PKP4: variants seen among roughly 807,000 people sequenced by gnomAD.
PKP4 encodes the protein plakophilin 4.
Under a neutral mutation model 145.1 loss-of-function variants are expected in PKP4, and 90 were observed. The ratio of observed to expected loss-of-function variants is 0.62; its 90% CI spans 0.52 to 0.74. The LOEUF (loss-of-function observed/expected upper bound fraction) is 0.74. Among genes scored for constraint, PKP4 ranks in the 30% least tolerant of loss-of-function variants. The probability of loss-of-function intolerance (pLI) is 0.00; values close to 1 mark genes in which losing one functional copy is unlikely to be tolerated. For synonymous variants in PKP4, 563 were observed against 577.2 expected, an observed-to-expected ratio of 0.98 and a Z score of 0.35; for missense variants, 1,340 against 1,482.7, an observed-to-expected ratio of 0.90 and a Z score of 1.58.
intron 3 of PKP4, among the ~76,000 whole-genome samples, chr2:158,578,835 A>T (rs2048085762): frequency 6.6e-6 from 1 of 152,232 alleles, no homozygotes; most frequent in Non-Finnish European, 1.5e-5. Context: ...ATGGCACAAG[A>T]GGAGGGAAAA....
chr2:158,632,812 G>A (rs781149346), intron 8 of PKP4, among the ~76,000 whole-genome samples: 6 of 152,098 alleles, frequency 3.9e-5, no homozygotes, highest in Non-Finnish European at 8.8e-5. Flanking sequence ...CTAATAAAAT[G>A]TACCATTTCT....
At chr2:158,507,290 T>A (rs546203749) in intron 1 of PKP4, among the ~76,000 whole-genome samples, 1 of 152,348 alleles carries the variant, frequency 6.6e-6, no homozygotes, top group Non-Finnish European at 1.5e-5. Flanking sequence ...GACTCACCAC[T>A]GTGAAGGTAT....
intron 3 of PKP4, among the ~76,000 whole-genome samples, chr2:158,591,131 G>GA (rs1396692516): frequency 6.6e-6 from 1 of 151,960 alleles, no homozygotes; most frequent in African/African-American, 2.4e-5. Flanking sequence ...TTTCAAATAG[G>GA]AAAAAGAAGA....
At chr2:158,557,488 T>G (rs2046197905) in intron 2 of PKP4, among the ~76,000 whole-genome samples, 1 of 152,222 alleles carries the variant, frequency 6.6e-6, no homozygotes, top group South Asian at 2.1e-4. Flanking sequence ...TAGCAGCCTT[T>G]GCAGTGAAAA....
At chr2:158,679,995 C>T (rs2058330584) in intron 21 of PKP4, among the ~76,000 whole-genome samples, 1 of 152,150 alleles carries the variant, frequency 6.6e-6, no homozygotes, top group Non-Finnish European at 1.5e-5. Context: ...TTATCCAAGG[C>T]CCAGAAACCC....
At chr2:158,612,487 G>A (rs1307131159) in intron 4 of PKP4, among the ~76,000 whole-genome samples, 1 of 152,084 alleles carries the variant, frequency 6.6e-6, no homozygotes, top group East Asian at 1.9e-4. Context: ...TCTCTGATAG[G>A]ATTTCTGTAA....
chr2:158,588,961 T>C (rs1280494603), intron 3 of PKP4: 2 of 152,234 alleles, frequency 1.3e-5, no homozygotes, highest in Non-Finnish European at 2.9e-5. Context: ...AACCAGGTGA[T>C]GAAGTGTCTT....
intron 4 of PKP4, among the ~76,000 whole-genome samples, chr2:158,611,535 C>T (rs2051147661): frequency 6.6e-6 from 1 of 152,074 alleles, no homozygotes; most frequent in Non-Finnish European, 1.5e-5. Flanking sequence ...TTCTTTTTTC[C>T]TCCATCTGGT....
At chr2:158,465,089 G>A (rs1302048341) in intron 1 of PKP4, among the ~76,000 whole-genome samples, 2 of 152,112 alleles carry the variant, frequency 1.3e-5, no homozygotes, top group African/African-American at 2.4e-5. Context: ...TGGGAGTCTC[G>A]GTCTTTAAGG....
chr2:158,658,310 C>G lies in PKP4; in HGVS notation c.2089C>G (p.Leu697Val), dbSNP rs1233910399. 1 of 1,577,022 alleles carries G rather than the reference C, an allele frequency of 6.3e-7. No homozygotes were observed. Among genetic ancestry groups the G allele is most frequent in the African/African-American group, 1.4e-5 (1 of 73,474 alleles). Residue 697 changes from leucine to valine, a missense_variant, in exon 12 of 22, where the codon CTA (leucine) becomes GTA (valine). By Grantham distance (32) the Leu-to-Val change is conservative. Transcript: ENST00000389759. ...AGTTCTGCGTAACACGACAGGTTGC[C>G]TAAGGTAAATTCTTTATTTCTTCTT... ...SLVLRNTTGC[L>V]RNLSSAGEEA... is the part of the protein sequence containing the mutation.
chr2:158,528,382 C>T (rs1184843855), intron 1 of PKP4, among the ~76,000 whole-genome samples: 6 of 108,898 alleles, frequency 5.5e-5, no homozygotes, highest in Non-Finnish European at 9.3e-5. Flanking sequence ...TAAACTATCG[C>T]AAGAACAAAA....
chr2:158,568,262 C>T (rs565028278), intron 2 of PKP4, among the ~76,000 whole-genome samples: 39 of 152,268 alleles, frequency 2.6e-4, no homozygotes, highest in Middle Eastern at 6.8e-3. Flanking sequence ...CACTTGAACC[C>T]GGGAGGCAGA....
At chr2:158,641,389 A>G (rs1391242110) in intron 10 of PKP4, among the ~76,000 whole-genome samples, 2 of 152,162 alleles carry the variant, frequency 1.3e-5, no homozygotes, top group Non-Finnish European at 2.9e-5. Flanking sequence ...TAGTGAGCCA[A>G]TGTGTTTTAT....
intron 1 of PKP4, among the ~76,000 whole-genome samples, chr2:158,472,573 A>G (rs1226418738): frequency 7.0e-6 from 1 of 143,230 alleles, no homozygotes; most frequent in Non-Finnish European, 1.5e-5. Flanking sequence ...AGATCAAGCC[A>G]CTGCACTCCA....
chr2:158,640,314 T>C (rs760785121), intron 9 of PKP4, among the ~76,000 whole-genome samples: 1 of 152,136 alleles, frequency 6.6e-6, no homozygotes, highest in Non-Finnish European at 1.5e-5. Flanking sequence ...ATTTCTTACA[T>C]AGGTAGAAAG....
rs374333020 is a variant in PKP4, at chr2:158,520,086, C to T, written c.-5-13094C>T. Among the ~76,000 whole-genome samples the T allele has an allele frequency of 4.4e-4, 67 of 152,210 alleles. 2 individuals carry two copies. The South Asian group carries it at 0.013, about 29-fold the overall frequency. On this transcript the variant is annotated intron_variant, in intron 1 of 21. Coordinates refer to ENST00000389759, the MANE Select transcript of PKP4 (RefSeq NM_003628.6). ...ATATTTTGGGGAAATGTTGAAAATG[C>T]CCATGTGTAATTCGTGTTTATCAAG...
intron 2 of PKP4, among the ~76,000 whole-genome samples, chr2:158,549,486 A>G (rs2045402353): frequency 6.6e-6 from 1 of 151,978 alleles, no homozygotes; most frequent in African/African-American, 2.4e-5. Context: ...TTGGTTGAAT[A>G]TGTTCCTTCC....
intron 16 of PKP4, among the ~76,000 whole-genome samples, chr2:158,668,760 C>T (rs188125015): frequency 1.8e-4 from 27 of 152,332 alleles, no homozygotes; most frequent in Admixed American, 3.3e-4. Context: ...TTCCCTCTGA[C>T]GTGCTGTACA....
chr2:158,664,291 C>T (rs999643257), intron 15 of PKP4, among the ~76,000 whole-genome samples: 3 of 152,130 alleles, frequency 2.0e-5, no homozygotes, highest in South Asian at 2.1e-4. Flanking sequence ...CCTCTCAGAC[C>T]GTTACAGACA....
Sources: allele counts gnomAD v4.1 joint callset (sites outside exome capture counted in the v4.1 genomes callset), GRCh38; gene constraint gnomAD v4.1.1; transcripts MANE v1.5; gene names NCBI Gene and HGNC (gene_info 2026-07-23, HGNC 2026-07-21).